CNIH3: variants seen among roughly 807,000 people sequenced by gnomAD.
CNIH3 encodes protein cornichon homolog 3.
Under a neutral mutation model 24.1 loss-of-function variants are expected in CNIH3, and 14 were observed. That is an observed-to-expected ratio of 0.58 (90% CI 0.38 to 0.91). CNIH3 has a LOEUF of 0.91. CNIH3 is among the 40% of genes least tolerant of loss of function. CNIH3 has a pLI of 0.00. For missense variants in CNIH3, 178 were observed against 196.8 expected, an observed-to-expected ratio of 0.90 and a Z score of 0.57; for synonymous variants, 68 against 73.8, an observed-to-expected ratio of 0.92 and a Z score of 0.40.
Position 224,714,719 on chromosome 1 carries a change from G to A in CNIH3, c.199-15743G>A, listed in dbSNP as rs1027234492. Among the ~76,000 whole-genome samples, 3 of 152,204 alleles carry A rather than the reference G, an allele frequency of 2.0e-5. No individual in the cohort carries two copies. In the East Asian group the frequency reaches 5.8e-4, roughly 29 times the overall value. On this transcript the variant is annotated intron_variant, in intron 3 of 5. Coordinates refer to ENST00000272133, the MANE Select transcript of CNIH3 (RefSeq NM_152495.2). Reference sequence around the variant, plus strand: ...AATTCCAGGGAGAAGTGATTAATCAGACCTCAGGGTCACTCCGTTCATCCA... The same window carrying A: ...AATTCCAGGGAGAAGTGATTAATCAAACCTCAGGGTCACTCCGTTCATCCA...
At chr1:224,447,442 C>T (rs186594380) in intron 1 of CNIH3, among the ~76,000 whole-genome samples, 99 of 152,254 alleles carry the variant, frequency 6.5e-4, no homozygotes, top group South Asian at 1.7e-3. Flanking sequence ...GGATGGTGCC[C>T]GCCCACATTG....
chr1:224,620,102 A>G (rs1422708587), intron 1 of CNIH3, among the ~76,000 whole-genome samples: 2 of 152,242 alleles, frequency 1.3e-5, no homozygotes, highest in East Asian at 3.8e-4. Flanking sequence ...TTTTCAGTTG[A>G]AAATATTTCA....
chr1:224,582,336 G>A (rs1572520903), intron 4 of CNIH3, among the ~76,000 whole-genome samples: 1 of 152,146 alleles, frequency 6.6e-6, no homozygotes, highest in Admixed American at 6.5e-5. Context: ...CTTATTATGT[G>A]CAGAGACAGA....
intron 1 of CNIH3, among the ~76,000 whole-genome samples, chr1:224,437,256 G>A (rs1322115086): frequency 2.0e-5 from 3 of 152,120 alleles, no homozygotes; most frequent in African/African-American, 7.2e-5. Flanking sequence ...AATCAAGTGT[G>A]TATTTTGATA....
rs1284050163 is a variant in CNIH3, at chr1:224,597,285, C to G, written n.402+31021C>G. Among the ~76,000 whole-genome samples, 3 of 152,168 alleles carry G rather than the reference C, an allele frequency of 2.0e-5. No individual in the cohort carries two copies. The East Asian group carries it at 5.8e-4, about 29-fold the overall frequency. On this transcript the variant is annotated intron_variant and non_coding_transcript_variant, in intron 3 of 7. Transcript: ENST00000478120. ...ACTTCAAAGGAGGGATCTCCCCAAC[C>G]TTTCTGTCTTCGAGCTGGCCATGAA...
chr1:224,541,205 G>C (rs953539202), downstream of CNIH3, among the ~76,000 whole-genome samples: 1 of 152,168 alleles, frequency 6.6e-6, no homozygotes, highest in Non-Finnish European at 1.5e-5. Context: ...TTAATTAAGG[G>C]CTGAAAATAT....
intron 1 of CNIH3, among the ~76,000 whole-genome samples, chr1:224,640,220 C>T (rs1171986918): frequency 1.3e-5 from 2 of 152,186 alleles, no homozygotes; most frequent in African/African-American, 4.8e-5. Flanking sequence ...GCAAACATGA[C>T]AGGACACTCT....
chr1:224,699,442 A>G (rs916165358), intron 3 of CNIH3, among the ~76,000 whole-genome samples: 1 of 152,212 alleles, frequency 6.6e-6, no homozygotes, highest in Admixed American at 6.5e-5. Flanking sequence ...AGCCACAGGC[A>G]TTCTTCTTCT....
At chr1:224,619,923 T>A (rs559547875) in intron 1 of CNIH3, among the ~76,000 whole-genome samples, 1 of 152,354 alleles carries the variant, frequency 6.6e-6, no homozygotes, top group South Asian at 2.1e-4. Context: ...TGGTAGCTAC[T>A]ATGTATTGGG....
intron 1 of CNIH3, among the ~76,000 whole-genome samples, chr1:224,624,555 T>C (rs1683427592): frequency 3.9e-5 from 6 of 152,162 alleles, no homozygotes. Context: ...TCACCAGCCA[T>C]GTCTGTCCCC....
upstream of CNIH3, among the ~76,000 whole-genome samples, chr1:224,512,374 T>G (rs1185578189): frequency 6.6e-6 from 1 of 151,920 alleles, no homozygotes. Context: ...TCTAGCTACT[T>G]GGGAGGCTGA....
intron 3 of CNIH3, among the ~76,000 whole-genome samples, chr1:224,728,535 A>G (rs957765424): frequency 1.2e-4 from 18 of 152,024 alleles, no homozygotes; most frequent in Non-Finnish European, 1.0e-4. Context: ...GGTTAATGCA[A>G]TTCATCTACA....
At chr1:224,635,539 TAA>T (rs1407121275) in intron 1 of CNIH3, among the ~76,000 whole-genome samples, 1 of 152,028 alleles carries the variant, frequency 6.6e-6, no homozygotes, top group Non-Finnish European at 1.5e-5. Flanking sequence ...GGGAGGAAAA[TAA>T]AGTGCCGGGG....
chr1:224,660,454 A>G (rs761825680), intron 1 of CNIH3, among the ~76,000 whole-genome samples: 21 of 152,234 alleles, frequency 1.4e-4, no homozygotes, highest in Non-Finnish European at 2.9e-4. Flanking sequence ...TCTGAATTAA[A>G]CAAAATTATT....
intron 1 of CNIH3, among the ~76,000 whole-genome samples, chr1:224,671,871 G>C (rs2125131208): frequency 6.6e-6 from 1 of 152,306 alleles, no homozygotes; most frequent in South Asian, 2.1e-4. Flanking sequence ...TGGAGCCAGT[G>C]CCACTTGCTT....
At chr1:224,634,735 C>T (rs1558236400) in intron 1 of CNIH3, among the ~76,000 whole-genome samples, 1 of 152,178 alleles carries the variant, frequency 6.6e-6, no homozygotes, top group Non-Finnish European at 1.5e-5. Context: ...TCGCAACTCA[C>T]TCCTCTTCCT....
intron 2 of CNIH3, among the ~76,000 whole-genome samples, chr1:224,545,024 A>G (rs1001142380): frequency 6.6e-6 from 1 of 152,226 alleles, no homozygotes; most frequent in South Asian, 2.1e-4. Flanking sequence ...TCCTGCTCAG[A>G]TAAGCCTTCC....
At chr1:224,733,072 A>G (rs1689420645) in intron 4 of CNIH3, among the ~76,000 whole-genome samples, 1 of 152,062 alleles carries the variant, frequency 6.6e-6, no homozygotes, top group South Asian at 2.1e-4. Context: ...CATACAGAGA[A>G]AGTCCCCTCC....
chr1:224,589,513 G>T (rs1320322873), downstream of CNIH3, among the ~76,000 whole-genome samples: 1 of 152,184 alleles, frequency 6.6e-6, no homozygotes, highest in Non-Finnish European at 1.5e-5. Context: ...TGACTCCTAG[G>T]GGGTTTGGCC....
Sources: allele counts gnomAD v4.1 joint callset (sites outside exome capture counted in the v4.1 genomes callset), GRCh38; gene constraint gnomAD v4.1.1; transcripts MANE v1.5; gene names NCBI Gene and HGNC (gene_info 2026-07-23, HGNC 2026-07-21).